The following CFAP61 variants were observed in gnomAD, a reference collection of about 807,000 sequenced individuals.
CFAP61 encodes the protein cilia- and flagella-associated protein 61.
CFAP61 carries 107 observed loss-of-function variants against 135.6 expected under a neutral mutation model. The ratio of observed to expected loss-of-function variants is 0.79; its 90% CI spans 0.67 to 0.93. The LOEUF (loss-of-function observed/expected upper bound fraction) is 0.93, where lower values mean the gene tolerates loss of function less well. Among genes scored for constraint, CFAP61 ranks in the 40% least tolerant of loss-of-function variants. CFAP61 has a pLI of 0.00. For missense variants in CFAP61, 1,507 were observed against 1,556.2 expected, an observed-to-expected ratio of 0.97 and a Z score of 0.53; for synonymous variants, 575 against 578.5, an observed-to-expected ratio of 0.99 and a Z score of 0.09.
intron 8 of CFAP61, among the ~76,000 whole-genome samples, chr20:20,117,377 T>G (rs2146683834): frequency 6.6e-6 from 1 of 151,976 alleles, no homozygotes; most frequent in African/African-American, 2.4e-5. Context: ...AATAAATAAA[T>G]AAATAAATAA....
intron 17 of CFAP61, among the ~76,000 whole-genome samples, chr20:20,217,018 TCTATTTAAAAAG>T (rs1405468935): frequency 2.0e-5 from 3 of 152,344 alleles, no homozygotes; most frequent in African/African-American, 7.2e-5. Flanking sequence ...TCTTTTCATT[TCTATTTAAAAAG>T]AAGGTGGATT....
At chr20:20,160,182 C>T (rs1380243569) in intron 10 of CFAP61, among the ~76,000 whole-genome samples, 1 of 152,198 alleles carries the variant, frequency 6.6e-6, no homozygotes, top group Non-Finnish European at 1.5e-5. Context: ...TTTTCATTCC[C>T]TGATGATGAG....
chr20:20,307,975 G>A (rs541807249), intron 25 of CFAP61, among the ~76,000 whole-genome samples: 29 of 152,310 alleles, frequency 1.9e-4, no homozygotes, highest in Non-Finnish European at 4.0e-4. Flanking sequence ...AGCTGTTTGA[G>A]TTGTAAAGTG....
intron 25 of CFAP61, among the ~76,000 whole-genome samples, chr20:20,327,980 C>T (rs765583501): frequency 6.6e-6 from 1 of 152,112 alleles, no homozygotes; most frequent in Non-Finnish European, 1.5e-5. Flanking sequence ...GCGTCAACAC[C>T]CCTTGCTTTC....
chr20:20,170,949 A>G (rs2054175425), intron 13 of CFAP61, among the ~76,000 whole-genome samples: 2 of 152,190 alleles, frequency 1.3e-5, no homozygotes, highest in South Asian at 4.1e-4. Context: ...TCCATGTGTC[A>G]ACACTCACAG....
chr20:20,334,189 C>T (rs1191302361), intron 25 of CFAP61, among the ~76,000 whole-genome samples: 1 of 152,126 alleles, frequency 6.6e-6, no homozygotes, highest in Admixed American at 6.5e-5. Flanking sequence ...AGCAGTGGCA[C>T]AATCTCAGCT....
At chr20:20,270,425 T>C (rs1203907593) in intron 21 of CFAP61, among the ~76,000 whole-genome samples, 1 of 152,214 alleles carries the variant, frequency 6.6e-6, no homozygotes, top group African/African-American at 2.4e-5. Flanking sequence ...CTAAAAATAA[T>C]TTCTTTAAAA....
intron 26 of CFAP61, among the ~76,000 whole-genome samples, chr20:20,343,634 A>ACCTT (rs973423651): frequency 1.3e-5 from 2 of 152,046 alleles, no homozygotes; most frequent in African/African-American, 4.8e-5. Context: ...CTCCTCAGAC[A>ACCTT]CCTTCCTTCC....
intron 8 of CFAP61, among the ~76,000 whole-genome samples, chr20:20,128,988 A>T (rs1176934845): frequency 2.0e-5 from 3 of 151,592 alleles, no homozygotes; most frequent in Admixed American, 1.3e-4. Context: ...ACAAGTTGTT[A>T]TAACTATTAT....
chr20:20,208,602 ATTGAGTTGAATTTCTAG>A (rs1161781376), intron 17 of CFAP61, among the ~76,000 whole-genome samples: 1 of 152,082 alleles, frequency 6.6e-6, no homozygotes, highest in Non-Finnish European at 1.5e-5. Context: ...TCTTCTTATT[ATTGAGTTGAATTTCTAG>A]TCTTTCTGAA....
intron 9 of CFAP61, among the ~76,000 whole-genome samples, chr20:20,144,437 C>G (rs996417526): frequency 2.0e-5 from 3 of 152,102 alleles, no homozygotes; most frequent in East Asian, 1.9e-4. Flanking sequence ...GAAAAATACA[C>G]CAGAAGGATT....
intron 25 of CFAP61, among the ~76,000 whole-genome samples, chr20:20,333,701 A>G (rs2058076678): frequency 6.6e-6 from 1 of 152,232 alleles, no homozygotes; most frequent in Non-Finnish European, 1.5e-5. Context: ...ACAAATGGAC[A>G]GCAGACAGAT....
intron 26 of CFAP61, among the ~76,000 whole-genome samples, chr20:20,348,731 C>G (rs1662262399): frequency 8.1e-6 from 1 of 123,172 alleles, no homozygotes; most frequent in Non-Finnish European, 1.7e-5. Context: ...GGAAAAAACA[C>G]TATCATCTCA....
chr20:20,338,804 G>C (rs1443240261), intron 25 of CFAP61, among the ~76,000 whole-genome samples: 1 of 152,222 alleles, frequency 6.6e-6, no homozygotes, highest in Admixed American at 6.5e-5. Context: ...CGATGTAACT[G>C]CCTGGATGAG....
intron 18 of CFAP61, among the ~76,000 whole-genome samples, chr20:20,241,681 T>TA (rs1205818820): frequency 3.3e-5 from 5 of 152,266 alleles, no homozygotes; most frequent in Non-Finnish European, 7.4e-5. Flanking sequence ...CATAGAGATG[T>TA]AAAAAAGGCC....
chr20:20,090,048 C>T (rs949186515), intron 6 of CFAP61, among the ~76,000 whole-genome samples: 2 of 152,200 alleles, frequency 1.3e-5, no homozygotes, highest in Admixed American at 6.5e-5. Context: ...CATTGGAATT[C>T]TTTGGGCTGA....
intron 17 of CFAP61, among the ~76,000 whole-genome samples, chr20:20,201,760 G>A (rs558723086): frequency 7.9e-5 from 12 of 152,312 alleles, no homozygotes; most frequent in African/African-American, 2.2e-4. Flanking sequence ...TGCAGCTTCC[G>A]TATCAGATCA....
chr20:20,173,055 C>CTT (rs144463760), intron 13 of CFAP61, among the ~76,000 whole-genome samples: 4 of 151,908 alleles, frequency 2.6e-5, no homozygotes, highest in African/African-American at 9.7e-5. Context: ...TTCAAATTTG[C>CTT]TTTTTTTTCA....
intron 18 of CFAP61, among the ~76,000 whole-genome samples, chr20:20,241,472 G>T (rs2050009422): frequency 6.6e-6 from 1 of 152,150 alleles, no homozygotes; most frequent in Non-Finnish European, 1.5e-5. Flanking sequence ...TTATAGGTTA[G>T]GTTTTTTAAA....
Sources: allele counts gnomAD v4.1 joint callset (sites outside exome capture counted in the v4.1 genomes callset), GRCh38; gene constraint gnomAD v4.1.1; transcripts MANE v1.5; gene names NCBI Gene and HGNC (gene_info 2026-07-23, HGNC 2026-07-21).